Variants in FAM25C observed in about 807,000 individuals in gnomAD.
FAM25C encodes family with sequence similarity 25 member C, also known as protein FAM25C.
Under a neutral mutation model 9.6 loss-of-function variants are expected in FAM25C, and 4 were observed. The observed-to-expected ratio is 0.42, with a 90% CI of 0.20 to 0.95. The LOEUF (loss-of-function observed/expected upper bound fraction) is 0.95. Ranked by LOEUF, FAM25C falls within the 40% of genes least tolerant of loss-of-function variation. The probability of loss-of-function intolerance (pLI) is 0.31; values close to 1 mark genes in which losing one functional copy is unlikely to be tolerated. For synonymous variants in FAM25C, 23 were observed against 44.1 expected (o/e 0.52, Z 1.89); for missense variants, 38 against 110.4 (o/e 0.34, Z 2.94).
At chr10:47,997,853 A>C (rs1326576206) in intron 1 of FAM25C, 114 bp from the exon 2 acceptor site, 7 of 681,164 alleles carry the variant, frequency 1.0e-5, no homozygotes, top group African/African-American at 3.6e-5. Flanking sequence ...GTGAGGGCTC[A>C]GAGCAGGCCC....
At chr10:47,998,104 C>T (rs527592548) in intron 1 of FAM25C, among the ~76,000 whole-genome samples, 39 of 151,278 alleles carry the variant, frequency 2.6e-4, no homozygotes, top group South Asian at 1.5e-3. Context: ...TGGCCCTGCC[C>T]GGCCTGGAAT....
chr10:47,997,595 G>T lies in FAM25C; in HGVS notation c.136+82C>A, dbSNP rs1842820779. ...AACATTAGGGGCAGAGTTTGACCTGGTTAGTCAAAGAACAGGTTGGCCCAG... is the reference window on the plus strand; with the variant it reads ...AACATTAGGGGCAGAGTTTGACCTGTTTAGTCAAAGAACAGGTTGGCCCAG... On this transcript the variant is annotated intron_variant, in intron 2 of 2. Transcript: ENST00000617224. The T allele has an allele frequency of 9.9e-6, 8 of 807,720 alleles. No individual in the cohort carries two copies. In the Admixed American group the frequency reaches 1.6e-4, roughly 16 times the overall value. The allele number at this position is 807,720 out of a possible 1,614,324, so 50.0% of individuals were successfully genotyped here.
At chr10:47,996,037 TATG>T (rs1565928825) in intron 2 of FAM25C, among the ~76,000 whole-genome samples, 1 of 149,792 alleles carries the variant, frequency 6.7e-6, no homozygotes, top group Non-Finnish European at 1.5e-5. Flanking sequence ...TCTAAATGTT[TATG>T]ATGTCTTCCC....
At chr10:47,996,963 C>G (rs1424876711) in intron 2 of FAM25C, among the ~76,000 whole-genome samples, 1 of 138,676 alleles carries the variant, frequency 7.2e-6, no homozygotes, top group African/African-American at 2.7e-5. Context: ...TCCCGAGTAG[C>G]TAGGACTACA....
intron 1 of FAM25C, among the ~76,000 whole-genome samples, chr10:47,998,102 C>T (rs1224142474): frequency 6.6e-6 from 1 of 151,362 alleles, no homozygotes; most frequent in African/African-American, 2.4e-5. Context: ...CTTGGCCCTG[C>T]CCGGCCTGGA....
In FAM25C at chr10:47,995,508, A is replaced by C; in HGVS notation, c.140T>G (p.Ile47Ser). 6.5e-7 allele frequency: 1 copy of C among 1,534,512 alleles called. No individual in the cohort carries two copies. The highest frequency in any genetic ancestry group is 8.7e-7 in the Non-Finnish European group (1 of 1,146,006). The stretch of plus-strand genomic sequence containing the variant: ...CTGGGCTTTCTTTATGGCTTCAGCA[A>C]TGGCTGTTGGAAAGAAAGAGGAAGA... Reference protein sequence around the residue: ...GHAKETGEKAIAEAIKKAQES... With the variant: ...GHAKETGEKASAEAIKKAQES... The change falls in exon 3 of 3, where the codon ATT becomes AGT. Residue 47 changes from isoleucine to serine, a missense_variant. Physicochemically the swap from Ile to Ser is moderately radical, Grantham distance 142. This residue lies in a region of FAM25C where 30 missense variants were observed against 53.0 expected (regional missense o/e 0.57). Coordinates refer to ENST00000617224, the MANE Select transcript of FAM25C (RefSeq NM_001137548.3).
intron 2 of FAM25C, among the ~76,000 whole-genome samples, chr10:47,997,210 A>G (rs1555256603): frequency 6.9e-6 from 1 of 145,718 alleles, no homozygotes; most frequent in African/African-American, 2.5e-5. Context: ...CCAGGTACAC[A>G]CCATTCTCCT....
chr10:47,996,820 AT>A (rs60497249), intron 2 of FAM25C, among the ~76,000 whole-genome samples: 166 of 75,044 alleles, frequency 2.2e-3, no homozygotes, highest in African/African-American at 9.2e-3. Context: ...TTACATGTTA[AT>A]TTTTTTTTTT....
At chr10:47,998,139 G>C (rs1262425612) in intron 1 of FAM25C, among the ~76,000 whole-genome samples, 1 of 151,444 alleles carries the variant, frequency 6.6e-6, no homozygotes, top group Non-Finnish European at 1.5e-5. Flanking sequence ...AGTCTTGCCA[G>C]CTGAGACATG....
In FAM25C at chr10:47,995,740, T is replaced by C. The variant is rs1240253818; in HGVS notation, c.137-229A>G. ...GACTGAGCATCTACTCATGGGTACA[T>C]TGCCTGCTTATCCTTTTTTCTGGAA... On this transcript the variant is annotated intron_variant, in intron 2 of 2. Coordinates refer to ENST00000617224, the MANE Select transcript of FAM25C (RefSeq NM_001137548.3). 1.2e-4 allele frequency among the ~76,000 whole-genome samples: 18 copies of C among 149,902 alleles called. 1 individual carries two copies. Among genetic ancestry groups the C allele is most frequent in the African/African-American group, 3.7e-4 (15 of 40,820 alleles).
At chr10:47,997,528 A>T in intron 2 of FAM25C, 149 bp downstream of exon 2, 1 of 795,286 alleles carries the variant, frequency 1.3e-6, no homozygotes, top group Non-Finnish European at 2.1e-6. Flanking sequence ...GCCTCTGATG[A>T]GCATAGATAA....
In FAM25C at chr10:47,995,386, C is replaced by G. The variant is rs1555256326; in HGVS notation, c.262G>C (p.Gly88Arg). ...THAAESLDKL[G>R]Q Reference sequence around the variant, plus strand: ...CGTGGTAGCAGGTGCACTCACTGTCCAAGTTTGTCCAGACTTTCTGCTGCA... The same window carrying G: ...CGTGGTAGCAGGTGCACTCACTGTCGAAGTTTGTCCAGACTTTCTGCTGCA... The change falls in exon 3 of 3, where the codon GGA becomes CGA. Residue 88 changes from glycine to arginine, a missense_variant. Coordinates refer to ENST00000617224, the MANE Select transcript of FAM25C (RefSeq NM_001137548.3). 1 of 1,515,856 alleles carries G rather than the reference C, an allele frequency of 6.6e-7. No individual in the cohort carries two copies. The highest frequency in any genetic ancestry group is 2.0e-5 in the Admixed American group (1 of 50,282). The allele number at this position is 1,515,856 out of a possible 1,614,324, so 93.9% of individuals were successfully genotyped here.
chr10:47,998,551 C>G (rs1394558666), intron 1 of FAM25C, among the ~76,000 whole-genome samples: 1 of 122,014 alleles, frequency 8.2e-6, no homozygotes, highest in Admixed American at 8.4e-5. Context: ...GCGAAGGCCC[C>G]GAGTTCTGGG....
intron 2 of FAM25C, among the ~76,000 whole-genome samples, chr10:47,997,214 T>C (rs1332980304): frequency 6.7e-6 from 1 of 148,674 alleles, no homozygotes; most frequent in Non-Finnish European, 1.5e-5. Context: ...GTACACACCA[T>C]TCTCCTGCCT....
At position 47,995,951 on chromosome 10, in the gene FAM25C, G is replaced by A. The variant is rs1234835754; in HGVS notation, c.137-440C>T. On this transcript the variant is annotated intron_variant, in intron 2 of 2. Coordinates refer to ENST00000617224, the MANE Select transcript of FAM25C (RefSeq NM_001137548.3). Reference sequence around the variant, plus strand: ...ATTTACTTAATATTTCCTTTATGGCGCTGATTTTTTTGTCATAGTTCTGAA... The same window carrying A: ...ATTTACTTAATATTTCCTTTATGGCACTGATTTTTTTGTCATAGTTCTGAA... Among the ~76,000 whole-genome samples the A allele has an allele frequency of 1.8e-4, 26 of 148,184 alleles. 1 individual carries two copies. Among genetic ancestry groups the A allele is most frequent in the South Asian group, 1.5e-3 (7 of 4,570 alleles).
At chr10:47,999,244 T>TCAAATA (rs1555256780) in intron 1 of FAM25C, among the ~76,000 whole-genome samples, 1 of 45,572 alleles carries the variant, frequency 2.2e-5, no homozygotes, top group African/African-American at 5.6e-5. Flanking sequence ...AGACTCCATT[T>TCAAATA]CAAATACAAA....
chr10:47,995,405 T>C lies in FAM25C; in HGVS notation c.243A>G (p.Ala81=). 6.6e-7 allele frequency: 1 copy of C among 1,520,772 alleles called. No individual in the cohort carries two copies. The highest frequency in any genetic ancestry group is 8.8e-7 in the Non-Finnish European group (1 of 1,134,962). The allele number at this position is 1,520,772 out of a possible 1,614,324, so 94.2% of individuals were successfully genotyped here. ...NTVTNAITHA[A]ESLDKLGQ is the part of the protein sequence containing the mutation. ...ACTGTCCAAGTTTGTCCAGACTTTC[T>C]GCTGCATGGGTGATGGCATTTGTGA... Residue 81 remains alanine, a synonymous_variant, in exon 3 of 3, where the codon GCA becomes GCG. Coordinates refer to ENST00000617224, the MANE Select transcript of FAM25C (RefSeq NM_001137548.3).
At chr10:47,997,825 C>T in intron 1 of FAM25C, 86 bp from the exon 2 acceptor site, 1 of 1,384,664 alleles carries the variant, frequency 7.2e-7, no homozygotes. Context: ...AGCAGAGCCG[C>T]TGCCCTCCCA....
rs1478982326 is a variant in FAM25C at position 47,999,627 on chromosome 10, C to T, written c.73+66G>A. The T allele has an allele frequency of 9.7e-6, 13 of 1,333,648 alleles. 1 individual carries two copies. The African/African-American group carries it at 1.4e-4, about 14-fold the overall frequency. The allele number at this position is 1,333,648 out of a possible 1,614,324, so 82.6% of individuals were successfully genotyped here. ...GTCCTCGCCTGCCTACGTAGATCCG[C>T]CTCCCACAGACCCAGTCTGCCCCAG... On this transcript the variant is annotated intron_variant, in intron 1 of 2. Transcript: ENST00000617224.
Sources: allele counts gnomAD v4.1 joint callset (sites outside exome capture counted in the v4.1 genomes callset), GRCh38; gene constraint gnomAD v4.1.1; regional missense constraint gnomAD v4.1.1; transcripts MANE v1.5; gene names NCBI Gene and HGNC (gene_info 2026-07-23, HGNC 2026-07-21).